KLHL32: variants seen among roughly 807,000 people sequenced by gnomAD.
KLHL32 encodes kelch like family member 32.
Under a neutral mutation model 64.8 loss-of-function variants are expected in KLHL32, and 35 were observed. That is an observed-to-expected ratio of 0.54 (90% CI 0.41 to 0.72). KLHL32 has a LOEUF of 0.72. KLHL32 is among the 30% of genes least tolerant of loss of function. KLHL32 has a pLI of 0.00. For missense variants in KLHL32, 589 were observed against 768.5 expected (o/e 0.77, Z 2.76); for synonymous variants, 259 against 281.0 (o/e 0.92, Z 0.78).
Position 97,126,164 on chromosome 6 carries a change from A to G in KLHL32, c.1355-1240A>G, listed in dbSNP as rs185962075. Reference sequence around the variant, plus strand: ...GCTTAATTTTATATCTTTATTGAAAAATTAGCTGCTTCTTTGTGATACTGA... The same window carrying G: ...GCTTAATTTTATATCTTTATTGAAAGATTAGCTGCTTCTTTGTGATACTGA... On this transcript the variant is annotated intron_variant, in intron 7 of 10. Transcript: ENST00000369261. Among the ~76,000 whole-genome samples, 113 of 152,196 alleles carry G rather than the reference A, an allele frequency of 7.4e-4. 1 individual carries two copies. The highest frequency in any genetic ancestry group is 2.6e-3 in the African/African-American group (108 of 41,528).
chr6:97,056,348 T>A (rs559010677), intron 4 of KLHL32, among the ~76,000 whole-genome samples: 5 of 152,092 alleles, frequency 3.3e-5, no homozygotes, highest in East Asian at 1.9e-4. Flanking sequence ...CTCGTGATCC[T>A]CCCGCCTTGG....
chr6:96,935,231 A>T (rs1278576479), intron 1 of KLHL32, among the ~76,000 whole-genome samples: 1 of 152,206 alleles, frequency 6.6e-6, no homozygotes, highest in African/African-American at 2.4e-5. Context: ...ATGGTAATTT[A>T]ATTATTATTG....
intron 4 of KLHL32, among the ~76,000 whole-genome samples, chr6:97,042,450 T>A (rs1326193604): frequency 6.6e-6 from 1 of 152,194 alleles, no homozygotes; most frequent in African/African-American, 2.4e-5. Flanking sequence ...TCTTGAAGAA[T>A]GTGTGGGAGC....
chr6:97,057,172 C>CTTTTTTTTTTTTTTTTTTT (rs199552121), intron 4 of KLHL32, among the ~76,000 whole-genome samples: 1 of 65,016 alleles, frequency 1.5e-5, no homozygotes, highest in African/African-American at 8.8e-5. Context: ...ATGTGAGTAT[C>CTTTTTTTTTTTTTTTTTTT]TTTTTTTTTT....
At position 96,942,654 on chromosome 6, in the gene KLHL32, G is replaced by GGTGTGTGTGTGT. The variant is rs373680196; in HGVS notation, c.-66+17654_-66+17665dup. On this transcript the variant is annotated intron_variant, in intron 1 of 10. Coordinates refer to ENST00000369261, the MANE Select transcript of KLHL32 (RefSeq NM_052904.4). Reference sequence around the variant, plus strand: ...TAACAGTGACTTGCTACAGCTGTGGGGTGTGTGTGTGTGTGTGTGTGTGTG... The same window carrying GGTGTGTGTGTGT: ...TAACAGTGACTTGCTACAGCTGTGGGGTGTGTGTGTGTGTGTGTGTGTGTGTGTGTGTGTGTG... 7.6e-4 allele frequency among the ~76,000 whole-genome samples: 110 copies of GGTGTGTGTGTGT among 144,316 alleles called. 1 individual carries two copies. The highest frequency in any genetic ancestry group is 2.5e-3 in the African/African-American group (95 of 38,390). 94.7% of individuals were successfully genotyped at this position (144,316 alleles called of 152,430 possible). A position where few individuals can be genotyped will look rare whatever the true frequency, so the allele number is the denominator to read the frequency against.
chr6:97,095,269 C>T (rs182132961), intron 6 of KLHL32, among the ~76,000 whole-genome samples: 3 of 152,140 alleles, frequency 2.0e-5, no homozygotes, highest in African/African-American at 7.2e-5. Flanking sequence ...CTCATTCTGC[C>T]CACTGCTGGG....
At chr6:96,901,690 G>T in the KLHL32 span, among the ~76,000 whole-genome samples, 1 of 152,120 alleles carries the variant, frequency 6.6e-6, no homozygotes, top group Non-Finnish European at 1.5e-5. Flanking sequence ...CAGGTATTAA[G>T]CCCAGTATCC....
intron 1 of KLHL32, 24 bp from the exon 2 acceptor site, chr6:96,966,972 C>G: frequency 1.6e-6 from 2 of 1,245,408 alleles, no homozygotes; most frequent in Non-Finnish European, 2.3e-6. Flanking sequence ...TCAATGCACC[C>G]TTTTCTCTTG....
chr6:96,931,373 A>G (rs1431385641), intron 1 of KLHL32, among the ~76,000 whole-genome samples: 1 of 152,150 alleles, frequency 6.6e-6, no homozygotes, highest in Non-Finnish European at 1.5e-5. Context: ...TGGGCTTAAG[A>G]AGAACCTAGA....
chr6:97,139,482 T>G lies in KLHL32; in HGVS notation c.*200T>G. On this transcript the variant is annotated 3_prime_UTR_variant, in exon 11 of 11. Transcript: ENST00000369261. ...TCTCAGTGTATGTCAACATTCAATATGTATGACTTTTATTGTGGTATAGCT... is the reference window on the plus strand; with the variant it reads ...TCTCAGTGTATGTCAACATTCAATAGGTATGACTTTTATTGTGGTATAGCT... 1 of 548,480 alleles carries G rather than the reference T, an allele frequency of 1.8e-6. No individual in the cohort carries two copies. The highest frequency in any genetic ancestry group is 3.2e-6 in the Non-Finnish European group (1 of 309,932). The allele number at this position is 548,480 out of a possible 1,614,324, so 34.0% of individuals were successfully genotyped here.
chr6:97,090,918 A>G (rs1794128936), intron 6 of KLHL32, among the ~76,000 whole-genome samples: 1 of 152,242 alleles, frequency 6.6e-6, no homozygotes, highest in Non-Finnish European at 1.5e-5. Context: ...TATGACTTTA[A>G]CAGGAATTAA....
chr6:97,113,824 C>T lies in KLHL32; in HGVS notation c.669C>T (p.Tyr223=), dbSNP rs1249801073. 8.1e-6 allele frequency: 13 copies of T among 1,614,030 alleles called. No homozygotes were observed. Among genetic ancestry groups the T allele is most frequent in the Non-Finnish European group, 1.1e-5 (13 of 1,180,024 alleles). ...RWLEHNCHYQ[Y]MDELLQYIRF... is the part of the protein sequence containing the mutation. ...TGGAACACAACTGCCACTACCAGTA[C>T]ATGGACGAGCTCCTGCAATACATCC... is the stretch of plus-strand genomic sequence containing the variant. The change falls in exon 7 of 11, where the codon TAC becomes TAT. Residue 223 remains tyrosine (Y), a synonymous_variant. Coordinates refer to ENST00000369261, the MANE Select transcript of KLHL32 (RefSeq NM_052904.4).
intron 6 of KLHL32, among the ~76,000 whole-genome samples, chr6:97,099,386 C>T (rs1795402131): frequency 6.6e-6 from 1 of 152,232 alleles, no homozygotes; most frequent in Admixed American, 6.5e-5. Flanking sequence ...CAGGGTTCAC[C>T]TTGCTCTTCC....
intron 3 of KLHL32, among the ~76,000 whole-genome samples, chr6:97,023,489 G>A (rs942491611): frequency 6.6e-6 from 1 of 152,148 alleles, no homozygotes; most frequent in Non-Finnish European, 1.5e-5. Flanking sequence ...TGCTGTGGGG[G>A]TGGGAAACAC....
At chr6:96,926,607 A>G (rs1769197324) in intron 1 of KLHL32, among the ~76,000 whole-genome samples, 1 of 152,180 alleles carries the variant, frequency 6.6e-6, no homozygotes, top group Admixed American at 6.5e-5. Flanking sequence ...TGTGCGTTTC[A>G]GATGTGTGCA....
chr6:97,091,768 C>T (rs933218190), intron 6 of KLHL32, among the ~76,000 whole-genome samples: 5 of 152,264 alleles, frequency 3.3e-5, no homozygotes, highest in East Asian at 1.9e-4. Flanking sequence ...TAAACAGCTT[C>T]GCAAACCTTT....
intron 1 of KLHL32, among the ~76,000 whole-genome samples, chr6:96,965,374 C>A (rs1193415280): frequency 6.6e-6 from 1 of 152,068 alleles, no homozygotes; most frequent in Non-Finnish European, 1.5e-5. Context: ...GGTCTCCAAA[C>A]GATAAATGTC....
chr6:97,002,152 G>A (rs911993456), intron 3 of KLHL32, among the ~76,000 whole-genome samples: 1 of 152,168 alleles, frequency 6.6e-6, no homozygotes, highest in Non-Finnish European at 1.5e-5. Context: ...TCCAGTCTGA[G>A]TATAAGTCCA....
At chr6:96,933,561 C>A (rs535214707) in intron 1 of KLHL32, among the ~76,000 whole-genome samples, 1 of 152,228 alleles carries the variant, frequency 6.6e-6, no homozygotes. Context: ...TTCCTTAGTT[C>A]TTAGATGTGA....
Sources: allele counts gnomAD v4.1 joint callset (sites outside exome capture counted in the v4.1 genomes callset), GRCh38; gene constraint gnomAD v4.1.1; transcripts MANE v1.5; gene names NCBI Gene and HGNC (gene_info 2026-07-23, HGNC 2026-07-21).